The following ADGB variants were observed in gnomAD, a reference collection of about 807,000 sequenced individuals.
ADGB encodes androglobin.
Under a neutral mutation model 210.5 loss-of-function variants are expected in ADGB, and 172 were observed. The ratio of observed to expected loss-of-function variants is 0.82; its 90% CI spans 0.72 to 0.93. The LOEUF (loss-of-function observed/expected upper bound fraction) is 0.93. Ranked by LOEUF, ADGB falls within the 40% of genes least tolerant of loss-of-function variation. The probability of loss-of-function intolerance (pLI) is 0.00; values close to 1 mark genes in which losing one functional copy is unlikely to be tolerated. For missense variants in ADGB, 2,025 were observed against 1,964.8 expected, an observed-to-expected ratio of 1.03 and a Z score of -0.58; for synonymous variants, 658 against 662.7, an observed-to-expected ratio of 0.99 and a Z score of 0.11.
intron 3 of ADGB, among the ~76,000 whole-genome samples, chr6:146,653,329 G>T (rs1291775103): frequency 6.6e-6 from 1 of 152,094 alleles, no homozygotes; most frequent in African/African-American, 2.4e-5. Flanking sequence ...TAATGTGCTT[G>T]AATCATCCCC....
chr6:146,770,218 C>T (rs1777630899), intron 29 of ADGB, among the ~76,000 whole-genome samples: 1 of 152,148 alleles, frequency 6.6e-6, no homozygotes, highest in Non-Finnish European at 1.5e-5. Context: ...CAGGCGTTTG[C>T]TTGCTTCTAT....
chr6:146,698,840 A>G (rs1776447097), intron 12 of ADGB, among the ~76,000 whole-genome samples: 1 of 152,046 alleles, frequency 6.6e-6, no homozygotes, highest in South Asian at 2.1e-4. Context: ...CTCTTGCCTC[A>G]GTCTCTTGAG....
chr6:146,770,855 G>A (rs1777640564), intron 29 of ADGB, among the ~76,000 whole-genome samples: 1 of 151,988 alleles, frequency 6.6e-6, no homozygotes, highest in South Asian at 2.1e-4. Context: ...CTGTGCTACT[G>A]CTCCATAGTG....
rs1343155764 is a variant in ADGB at position 146,785,622 on chromosome 6, C to T, written c.4225C>T (p.Arg1409Cys). ...GTTTGTTTTTTAGGCTTCTCAGGCT[C>T]GTTTGCATTACCTTAGCGGGTTCAT... The part of the protein sequence containing the change: ...PGRAIKASQA[R>C]LHYLSGFIKK... Residue 1409 changes from arginine to cysteine, a missense_variant, in exon 32 of 36, where the codon CGT (arginine) becomes TGT (cysteine). By Grantham distance (180) the Arg-to-Cys change is radical. Coordinates refer to ENST00000397944, the MANE Select transcript of ADGB (RefSeq NM_024694.4). 1.4e-5 allele frequency: 21 copies of T among 1,550,038 alleles called. No homozygotes were observed. Among genetic ancestry groups the T allele is most frequent in the Admixed American group, 7.9e-5 (4 of 50,932 alleles).
intron 4 of ADGB, 82 bp from the exon 5 acceptor site, chr6:146,656,689 A>G (rs1775785808): frequency 1.1e-6 from 1 of 949,982 alleles, no homozygotes. Context: ...TTGGAAGTGG[A>G]TTTTTTTACT....
In ADGB at chr6:146,625,855, T is replaced by C. The variant is rs59814344; in HGVS notation, c.75-9520T>C. ...AATGGACTAATACAGTTAGATCTTG[T>C]TTTTTTTAATCAATTTGACATTCTG... On this transcript the variant is annotated intron_variant, in intron 1 of 35. Transcript: ENST00000397944. Among the ~76,000 whole-genome samples, 1,504 of 151,928 alleles carry C rather than the reference T, an allele frequency of 9.9e-3. 30 individuals are homozygous for C. The highest frequency in any genetic ancestry group is 0.033 in the African/African-American group (1,362 of 41,434).
At chr6:146,616,337 A>C (rs1583560443) in intron 1 of ADGB, among the ~76,000 whole-genome samples, 1 of 151,606 alleles carries the variant, frequency 6.6e-6, no homozygotes, top group African/African-American at 2.4e-5. Flanking sequence ...ATACTAAAGT[A>C]GATGGTTTGT....
chr6:146,795,565 T>G (rs1053778975), intron 33 of ADGB, among the ~76,000 whole-genome samples: 1 of 152,178 alleles, frequency 6.6e-6, no homozygotes, highest in Non-Finnish European at 1.5e-5. Flanking sequence ...TCAATGTCAC[T>G]GATCATTAGA....
At chr6:146,635,573 G>T (rs1340926970) in intron 2 of ADGB, 36 bp downstream of exon 2, 2 of 1,458,054 alleles carry the variant, frequency 1.4e-6, no homozygotes, top group South Asian at 1.4e-5. Flanking sequence ...TTTCATTTTG[G>T]TTTTTAATTT....
intron 1 of ADGB, among the ~76,000 whole-genome samples, chr6:146,624,981 A>T (rs901511823): frequency 2.6e-5 from 4 of 152,028 alleles, no homozygotes; most frequent in Admixed American, 2.6e-4. Context: ...CATTCTATGT[A>T]TTAAATTATG....
chr6:146,733,655 T>C (rs1777037291), intron 21 of ADGB, among the ~76,000 whole-genome samples: 1 of 152,232 alleles, frequency 6.6e-6, no homozygotes, highest in Non-Finnish European at 1.5e-5. Flanking sequence ...AATCTCTGGC[T>C]ATATTCACAC....
intron 10 of ADGB, among the ~76,000 whole-genome samples, chr6:146,686,883 A>C (rs1157878595): frequency 6.6e-6 from 1 of 152,140 alleles, no homozygotes; most frequent in African/African-American, 2.4e-5. Context: ...CTATGTTTTA[A>C]AACTTGAATG....
At chr6:146,638,912 A>G (rs1775467941) in intron 2 of ADGB, 1 of 151,638 alleles carries the variant, frequency 6.6e-6, no homozygotes, top group Admixed American at 6.6e-5. Context: ...TTCTGCAAAA[A>G]AAAAAAAAAA....
chr6:146,752,411 G>A, intron 26 of ADGB, 119 bp from the exon 27 acceptor site: 3 of 888,406 alleles, frequency 3.4e-6, no homozygotes, highest in Non-Finnish European at 5.0e-6. Flanking sequence ...ACCTCAAACA[G>A]TGAGGGTCAC....
At chr6:146,777,900 G>A (rs1043220942) in intron 29 of ADGB, among the ~76,000 whole-genome samples, 1 of 152,210 alleles carries the variant, frequency 6.6e-6, no homozygotes, top group Non-Finnish European at 1.5e-5. Flanking sequence ...GAATCTCTGA[G>A]AGGTGGGCCT....
At position 146,784,602 on chromosome 6, in the gene ADGB, G is replaced by A. The variant is rs1485255990; in HGVS notation, c.4036-16G>A. 2.0e-6 allele frequency: 3 copies of A among 1,502,040 alleles called. No individual in the cohort carries two copies. The highest frequency in any genetic ancestry group is 1.8e-6 in the Non-Finnish European group (2 of 1,125,072). The allele number at this position is 1,502,040 out of a possible 1,614,324, so 93.0% of individuals were successfully genotyped here. ...GAAGGAAAGCATGCAAAACCCAAAG[G>A]TTTTTATTTTATCAGATATCCACTG... On this transcript the variant is annotated splice_polypyrimidine_tract_variant and intron_variant, in intron 30 of 35. Transcript: ENST00000397944.
intron 27 of ADGB, among the ~76,000 whole-genome samples, chr6:146,763,353 C>T (rs1010286529): frequency 1.4e-4 from 21 of 152,232 alleles, no homozygotes; most frequent in African/African-American, 4.6e-4. Flanking sequence ...TTTTTCAATA[C>T]ATGTTTGATG....
chr6:146,718,314 T>G (rs1178203761), intron 16 of ADGB, among the ~76,000 whole-genome samples: 1 of 126,474 alleles, frequency 7.9e-6, no homozygotes, highest in Non-Finnish European at 1.6e-5. Context: ...GCCACTGCAC[T>G]CCAGCCTGGG....
At chr6:146,760,445 A>G (rs112167276) in intron 27 of ADGB, among the ~76,000 whole-genome samples, 2 of 88,766 alleles carry the variant, frequency 2.3e-5, no homozygotes, top group African/African-American at 8.8e-5. Flanking sequence ...TTCTATTTCT[A>G]TCTATGTTTC....
Sources: gnomAD v4.1 joint callset for allele counts (sites outside exome capture counted in the v4.1 genomes callset) on GRCh38, gnomAD v4.1.1 for gene constraint, MANE v1.5 for transcripts, NCBI Gene and HGNC (gene_info 2026-07-23, HGNC 2026-07-21) for gene names.